The following HELLS variants were observed in gnomAD, a reference collection of about 807,000 sequenced individuals.
HELLS encodes helicase, lymphoid specific.
In HELLS, 32 loss-of-function variants were observed where a neutral mutation model predicts 120.0. The ratio of observed to expected loss-of-function variants is 0.27; its 90% CI spans 0.20 to 0.36. HELLS has a LOEUF of 0.36. Among genes scored for constraint, HELLS ranks in the 10% least tolerant of loss-of-function variants. The pLI is 1.00. For synonymous variants in HELLS, 341 were observed against 323.4 expected (o/e 1.05, Z -0.58); for missense variants, 650 against 993.4 (o/e 0.65, Z 4.65).
In HELLS at chr10:94,592,484, G is replaced by A; in HGVS notation, c.1941G>A (p.Gly647=). Residue 647 remains glycine (G), a synonymous_variant, in exon 17 of 22, where the codon GGG becomes GGA. Coordinates refer to ENST00000348459, the MANE Select transcript of HELLS (RefSeq NM_018063.5). The stretch of plus-strand genomic sequence containing the variant: ...ATTTCAACTTCAGCAGGCTTGATGG[G>A]TCCATGTCTTACTCAGAGAGAGAAA... The part of the protein sequence containing the change: ...LRDFNFSRLD[G]SMSYSEREKN... The A allele has an allele frequency of 6.5e-7, 1 of 1,527,766 alleles. No individual in the cohort carries two copies. The highest frequency in any genetic ancestry group is 8.8e-7 in the Non-Finnish European group (1 of 1,141,704). 94.6% of individuals were successfully genotyped at this position (1,527,766 alleles called of 1,614,324 possible). A position where few individuals can be genotyped will look rare whatever the true frequency, so the allele number is the denominator to read the frequency against.
At chr10:94,600,638 AG>A in intron 21 of HELLS, among the ~76,000 whole-genome samples, 1 of 152,174 alleles carries the variant, frequency 6.6e-6, no homozygotes, top group East Asian at 1.9e-4. Flanking sequence ...AAATTAACTT[AG>A]ATTCTCCTCT....
intron 6 of HELLS, 37 bp from the exon 7 acceptor site, chr10:94,571,351 A>G (rs1844150003): frequency 1.4e-6 from 2 of 1,382,426 alleles, no homozygotes. Flanking sequence ...TGAACTTCAT[A>G]CATTATTAAT....
intron 19 of HELLS, 37 bp downstream of exon 19, chr10:94,594,891 T>G: frequency 6.9e-7 from 1 of 1,446,500 alleles, no homozygotes; most frequent in Non-Finnish European, 9.6e-7. Context: ...TTGTTTAAAT[T>G]GTGCATTGTG....
At chr10:94,580,142 T>C (rs1322062693) in intron 10 of HELLS, among the ~76,000 whole-genome samples, 1 of 72,400 alleles carries the variant, frequency 1.4e-5, no homozygotes, top group Non-Finnish European at 2.5e-5. Flanking sequence ...TATATATATA[T>C]ATATATATAT....
intron 8 of HELLS, among the ~76,000 whole-genome samples, chr10:94,607,202 G>A (rs1846138618): frequency 7.2e-6 from 1 of 138,594 alleles, no homozygotes; most frequent in African/African-American, 2.6e-5. Flanking sequence ...GAGGTATGGG[G>A]CCATGGTGTT....
At chr10:94,593,734 C>A (rs989305354) in intron 18 of HELLS, 119 bp downstream of exon 18, 1 of 610,702 alleles carries the variant, frequency 1.6e-6, no homozygotes, top group Non-Finnish European at 3.0e-6. Flanking sequence ...ACGATCTCGG[C>A]TCACTGCAAC....
At chr10:94,595,312 T>C (rs547913213) in intron 19 of HELLS, among the ~76,000 whole-genome samples, 2 of 152,164 alleles carry the variant, frequency 1.3e-5, no homozygotes, top group East Asian at 1.9e-4. Flanking sequence ...TTGGTCACCA[T>C]AGACATAAAA....
At position 94,596,944 on chromosome 10, in the gene HELLS, G is replaced by C; in HGVS notation, c.2333G>C (p.Arg778Thr). ...PKELMELLKS[R>T]DYEREIKGSR... is the part of the protein sequence containing the mutation. ...GAATTAATGGAATTATTAAAATCTA[G>C]AGATTATGAAAGGTGAGTTTTTAAT... The change falls in exon 20 of 22, where the codon AGA becomes ACA. Residue 778 changes from arginine to threonine, a missense_variant. Physicochemically the swap from Arg to Thr is moderately conservative, Grantham distance 71. Transcript: ENST00000348459. 2 of 1,486,212 alleles carry C rather than the reference G, an allele frequency of 1.3e-6. No homozygotes were observed. The highest frequency in any genetic ancestry group is 2.3e-5 in the South Asian group (2 of 87,490). 92.1% of individuals were successfully genotyped at this position (1,486,212 alleles called of 1,614,324 possible).
At chr10:94,597,204 T>C in intron 21 of HELLS, 93 bp downstream of exon 21, 2 of 675,640 alleles carry the variant, frequency 3.0e-6, no homozygotes, top group East Asian at 2.6e-5. Context: ...TTCAGCCACA[T>C]GTATCCAATC....
In HELLS at chr10:94,564,672, C is replaced by T. The variant is rs566818229; in HGVS notation, c.435+1796C>T. On this transcript the variant is annotated intron_variant, in intron 6 of 21. Transcript: ENST00000348459. ...TGTCCCTCAGGCTGGAGTGCAGTGG[C>T]GCGATCTCGGCTCACTGCTACAAGC... 2.3e-4 allele frequency among the ~76,000 whole-genome samples: 35 copies of T among 151,984 alleles called. 1 individual carries two copies. Among genetic ancestry groups the T allele is most frequent in the Admixed American group, 1.7e-3 (26 of 15,254 alleles).
chr10:94,594,688 C>A lies in HELLS; in HGVS notation c.2089-7C>A. ...CGTTAAATATTATTTTTCTTTTTAA[C>A]TTTAAGAACCCCCAGTCGGATCTTC... On this transcript the variant is annotated splice_region_variant and splice_polypyrimidine_tract_variant and intron_variant, in intron 18 of 21. Coordinates refer to ENST00000348459, the MANE Select transcript of HELLS (RefSeq NM_018063.5). The A allele has an allele frequency of 6.3e-7, 1 of 1,584,296 alleles. No individual in the cohort carries two copies. The highest frequency in any genetic ancestry group is 2.2e-5 in the East Asian group (1 of 44,674).
chr10:94,592,012 A>G (rs1329633496), intron 15 of HELLS, among the ~76,000 whole-genome samples: 1 of 152,156 alleles, frequency 6.6e-6, no homozygotes, highest in African/African-American at 2.4e-5. Flanking sequence ...TCAAAGTTAT[A>G]TTTGTACTTT....
intron 10 of HELLS, 150 bp from the exon 11 acceptor site, chr10:94,581,176 T>G (rs1844850434): frequency 1.4e-5 from 7 of 511,108 alleles, no homozygotes; most frequent in Non-Finnish European, 2.4e-5. Flanking sequence ...GTGGATCAAA[T>G]GAAAACATGA....
At chr10:94,564,057 G>A (rs1315472064) in intron 6 of HELLS, among the ~76,000 whole-genome samples, 2 of 152,044 alleles carry the variant, frequency 1.3e-5, no homozygotes, top group Admixed American at 6.6e-5. Flanking sequence ...GGATCCACCC[G>A]CCTTGGCCTC....
chr10:94,554,263 C>CT lies in HELLS; in HGVS notation c.276+16dup. ...AACAATTAGAGGTATGTATATGTAA[C>CT]TGACTACAAGTGAAAGCTTAAAAAA... On this transcript the variant is annotated intron_variant, in intron 3 of 21. Transcript: ENST00000348459. 1 of 1,477,932 alleles carries CT rather than the reference C, an allele frequency of 6.8e-7. No homozygotes were observed. The highest frequency in any genetic ancestry group is 9.0e-7 in the Non-Finnish European group (1 of 1,111,426). The allele number at this position is 1,477,932 out of a possible 1,614,324, so 91.6% of individuals were successfully genotyped here.
chr10:94,570,997 C>T (rs1844122319), intron 6 of HELLS: 2 of 173,570 alleles, frequency 1.2e-5, no homozygotes, highest in African/African-American at 2.4e-5. Context: ...CCAATTTATC[C>T]CATTTCTTTG....
In HELLS at chr10:94,581,855, T is replaced by C. The variant is rs74150832; in HGVS notation, c.1229+333T>C. 7.1e-3 allele frequency among the ~76,000 whole-genome samples: 1,078 copies of C among 152,304 alleles called. 16 individuals carry two copies. Among genetic ancestry groups the C allele is most frequent in the African/African-American group, 0.025 (1,038 of 41,576 alleles). On this transcript the variant is annotated intron_variant, in intron 11 of 21. Coordinates refer to ENST00000348459, the MANE Select transcript of HELLS (RefSeq NM_018063.5). ...TAAACAACCAGGGACAATAGAGTTG[T>C]TAAATTATTTCCTATCTCACATAAA...
At chr10:94,585,385 G>GTTTTTTTTTTTTTTTTTGGTTTT (rs10540229) in intron 12 of HELLS, among the ~76,000 whole-genome samples, 1 of 122,014 alleles carries the variant, frequency 8.2e-6, no homozygotes, top group Non-Finnish European at 1.7e-5. Flanking sequence ...GTTTGTTTTT[G>GTTTTTTTTTTTTTTTTTGGTTTT]TTTTTTTTTT....
chr10:94,584,107 G>A lies in HELLS; in HGVS notation c.1326+1048G>A, dbSNP rs1028490605. ...CATATGAAAATACTTATTTACTCAA[G>A]CTTCATACCAATTTTGAGGTTAGAA... On this transcript the variant is annotated intron_variant, in intron 12 of 21. Transcript: ENST00000348459. 7.3e-6 allele frequency: 10 copies of A among 1,372,406 alleles called. No individual in the cohort carries two copies. The Admixed American group carries it at 1.8e-4, about 25-fold the overall frequency. 85.0% of individuals were successfully genotyped at this position (1,372,406 alleles called of 1,614,324 possible). A position where few individuals can be genotyped will look rare whatever the true frequency, so the allele number is the denominator to read the frequency against.
Sources: gnomAD v4.1 joint callset for allele counts (sites outside exome capture counted in the v4.1 genomes callset) on GRCh38, gnomAD v4.1.1 for gene constraint, MANE v1.5 for transcripts, NCBI Gene and HGNC (gene_info 2026-07-23, HGNC 2026-07-21) for gene names.